ELOVL7: variants seen among roughly 807,000 people sequenced by gnomAD.
ELOVL7 encodes ELOVL fatty acid elongase 7.
A neutral mutation model predicts 35.7 loss-of-function variants in ELOVL7; 27 were observed. The observed-to-expected ratio is 0.76, with a 90% CI of 0.56 to 1.04. The LOEUF (loss-of-function observed/expected upper bound fraction) is 1.04, where lower values mean the gene tolerates loss of function less well. ELOVL7 is among the 50% of genes least tolerant of loss of function. ELOVL7 has a pLI of 0.00. For synonymous variants in ELOVL7, 113 were observed against 114.6 expected (o/e 0.99, Z 0.09); for missense variants, 327 against 340.8 (o/e 0.96, Z 0.32).
At position 60,754,753 on chromosome 5, in the gene ELOVL7, C is replaced by A; in HGVS notation, c.717G>T (p.Ala239=). ...TGAAACTGTAACTCATAATGATGCA[C>A]GCAAAGACTGGAAACTGATACTTGC... ...EDCKYQFPVF[A]CIIMSYSFMF... Residue 239 remains alanine, a synonymous_variant, in exon 9 of 9, where the codon GCG becomes GCT. Transcript: ENST00000508821. 6.2e-7 allele frequency: 1 copy of A among 1,613,922 alleles called. No homozygotes were observed. The highest frequency in any genetic ancestry group is 2.2e-5 in the East Asian group (1 of 44,854).
intron 3 of ELOVL7, among the ~76,000 whole-genome samples, chr5:60,779,310 C>T (rs778468297): frequency 3.3e-5 from 5 of 152,184 alleles, no homozygotes; most frequent in Non-Finnish European, 5.9e-5. Flanking sequence ...GGTCTGACCC[C>T]ACATTTCTCT....
At chr5:60,783,778 T>C (rs1312137108) in intron 3 of ELOVL7, among the ~76,000 whole-genome samples, 5 of 152,198 alleles carry the variant, frequency 3.3e-5, no homozygotes, top group Non-Finnish European at 5.9e-5. Flanking sequence ...CATAAAAGGA[T>C]GACCCCTAAA....
rs1469090252 is a variant in ELOVL7, at chr5:60,753,459, G to A, written c.*1165C>T. 1 of 152,100 alleles carries A rather than the reference G, an allele frequency of 6.6e-6. No individual in the cohort carries two copies. Among genetic ancestry groups the A allele is most frequent in the Non-Finnish European group, 1.5e-5 (1 of 68,022 alleles). The allele number at this position is 152,100 out of a possible 1,614,324, so 9.4% of individuals were successfully genotyped here. A position where few individuals can be genotyped will look rare whatever the true frequency, so the allele number is the denominator to read the frequency against. On this transcript the variant is annotated 3_prime_UTR_variant, in exon 9 of 9. Transcript: ENST00000508821. ...TCCAGAAAATGTTTTATTGTTCAGTGTATCTATAACATTAATTATATAATA... is the reference window on the plus strand; with the variant it reads ...TCCAGAAAATGTTTTATTGTTCAGTATATCTATAACATTAATTATATAATA...
chr5:60,837,518 C>T (rs1415275972), intron 1 of ELOVL7, among the ~76,000 whole-genome samples: 2 of 152,078 alleles, frequency 1.3e-5, no homozygotes, highest in Non-Finnish European at 2.9e-5. Flanking sequence ...ACCTTTCACC[C>T]CATAATTTTC....
At chr5:60,776,350 AT>A (rs1389284667) in intron 3 of ELOVL7, among the ~76,000 whole-genome samples, 1 of 152,224 alleles carries the variant, frequency 6.6e-6, no homozygotes, top group African/African-American at 2.4e-5. Context: ...AAATAGAACT[AT>A]TATTCAACCC....
At position 60,757,569 on chromosome 5, in the gene ELOVL7, T is replaced by G; in HGVS notation, c.576A>C (p.Ala192=). Residue 192 remains alanine, a synonymous_variant, in exon 8 of 9, where the codon GCA becomes GCC. Coordinates refer to ENST00000508821, the MANE Select transcript of ELOVL7 (RefSeq NM_024930.3). The part of the protein sequence containing the change: ...VVMYSYYGLS[A]LGPAYQKYLW... ...AATACTTCTGGTAGGCTGGCCCCAA[T>G]GCAGAAAGTCCATAGTAGGAATACA... 6.2e-7 allele frequency: 1 copy of G among 1,613,622 alleles called. No individual in the cohort carries two copies. Among genetic ancestry groups the G allele is most frequent in the South Asian group, 1.1e-5 (1 of 91,010 alleles).
At chr5:60,789,803 T>C (rs888539475) in intron 2 of ELOVL7, among the ~76,000 whole-genome samples, 8 of 152,140 alleles carry the variant, frequency 5.3e-5, no homozygotes, top group African/African-American at 1.4e-4. Context: ...AACCTCTCCA[T>C]GTACTGATAT....
At chr5:60,770,739 G>A (rs1742527895) in intron 4 of ELOVL7, among the ~76,000 whole-genome samples, 1 of 152,086 alleles carries the variant, frequency 6.6e-6, no homozygotes, top group African/African-American at 2.4e-5. Context: ...TTGAGACAGG[G>A]TCTTGCTCCG....
At chr5:60,755,186 C>A (rs963460483) in intron 8 of ELOVL7, among the ~76,000 whole-genome samples, 20 of 152,230 alleles carry the variant, frequency 1.3e-4, no homozygotes, top group African/African-American at 4.6e-4. Flanking sequence ...TGACCATGCA[C>A]TACATGTGGC....
chr5:60,816,484 A>G (rs1745525822), intron 1 of ELOVL7, among the ~76,000 whole-genome samples: 1 of 152,158 alleles, frequency 6.6e-6, no homozygotes, highest in African/African-American at 2.4e-5. Flanking sequence ...GACAAGGTGA[A>G]CTCCTGGAGG....
At chr5:60,766,518 T>G (rs1742244426) in intron 6 of ELOVL7, 56 bp downstream of exon 6, 4 of 1,441,308 alleles carry the variant, frequency 2.8e-6, no homozygotes, top group Non-Finnish European at 3.8e-6. Flanking sequence ...GATCAAACAT[T>G]TAAGATCAAA....
At chr5:60,797,203 C>A (rs183230188) in intron 2 of ELOVL7, among the ~76,000 whole-genome samples, 1 of 152,250 alleles carries the variant, frequency 6.6e-6, no homozygotes, top group East Asian at 1.9e-4. Flanking sequence ...TGTGTGTATG[C>A]GGCAATATAT....
intron 1 of ELOVL7, among the ~76,000 whole-genome samples, chr5:60,812,956 A>G (rs1745317028): frequency 1.3e-5 from 2 of 152,106 alleles, no homozygotes; most frequent in Admixed American, 1.3e-4. Flanking sequence ...CTTTCTATCT[A>G]CTTGTTCCTA....
At chr5:60,824,476 G>T (rs1374758309) in intron 1 of ELOVL7, among the ~76,000 whole-genome samples, 2 of 152,128 alleles carry the variant, frequency 1.3e-5, no homozygotes, top group African/African-American at 4.8e-5. Flanking sequence ...ACAGTGAGAT[G>T]TTCAAAAAAG....
At position 60,754,615 on chromosome 5, in the gene ELOVL7, T is replaced by C. The variant is rs752584286; in HGVS notation, c.*9A>G. On this transcript the variant is annotated 3_prime_UTR_variant, in exon 9 of 9. Coordinates refer to ENST00000508821, the MANE Select transcript of ELOVL7 (RefSeq NM_024930.3). The stretch of plus-strand genomic sequence containing the variant: ...TGTATCAGTTTCGATCATAGACTTA[T>C]GTTGGGCTTCAATTATCTTTGTTTT... 17 of 1,612,700 alleles carry C rather than the reference T, an allele frequency of 1.1e-5. No homozygotes were observed. Among genetic ancestry groups the C allele is most frequent in the Non-Finnish European group, 1.4e-5 (16 of 1,178,710 alleles).
chr5:60,762,357 A>C (rs1028961957), intron 7 of ELOVL7, among the ~76,000 whole-genome samples: 1 of 151,924 alleles, frequency 6.6e-6, no homozygotes, highest in Middle Eastern at 3.4e-3. Flanking sequence ...CTCATTATTG[A>C]AAGCACTGCT....
intron 8 of ELOVL7, among the ~76,000 whole-genome samples, chr5:60,755,903 T>G (rs1263676919): frequency 6.6e-6 from 1 of 152,202 alleles, no homozygotes; most frequent in Non-Finnish European, 1.5e-5. Context: ...AGACAACAAT[T>G]ACTCACAATC....
intron 2 of ELOVL7, among the ~76,000 whole-genome samples, chr5:60,787,914 T>C (rs1285041256): frequency 1.3e-5 from 2 of 152,080 alleles, no homozygotes; most frequent in Non-Finnish European, 2.9e-5. Context: ...TTAAGTAGAA[T>C]AGAGACAGAA....
intron 1 of ELOVL7, among the ~76,000 whole-genome samples, chr5:60,803,239 G>A (rs1744746343): frequency 6.6e-6 from 1 of 152,146 alleles, no homozygotes; most frequent in African/African-American, 2.4e-5. Context: ...AAGTCACAAG[G>A]GGAAGCACAT....
Sources: gnomAD v4.1 joint callset for allele counts (sites outside exome capture counted in the v4.1 genomes callset) on GRCh38, gnomAD v4.1.1 for gene constraint, MANE v1.5 for transcripts, NCBI Gene and HGNC (gene_info 2026-07-23, HGNC 2026-07-21) for gene names.